SNTG1: variants seen among roughly 807,000 people sequenced by gnomAD.
SNTG1 encodes the protein syntrophin gamma 1, also known as gamma-1-syntrophin.
SNTG1 carries 39 observed loss-of-function variants against 74.7 expected under a neutral mutation model. The observed-to-expected ratio is 0.52, with a 90% confidence interval of 0.40 to 0.68. The LOEUF (loss-of-function observed/expected upper bound fraction) is 0.68, where lower values mean the gene tolerates loss of function less well. Ranked by LOEUF, SNTG1 falls within the 30% of genes least tolerant of loss-of-function variation. SNTG1 has a pLI of 0.00. For missense variants in SNTG1, 685 were observed against 609.5 expected, an observed-to-expected ratio of 1.12 and a Z score of -1.30; for synonymous variants, 254 against 217.1, an observed-to-expected ratio of 1.17 and a Z score of -1.49.
At chr8:49,940,254 G>A (rs1808562175) in intron 1 of SNTG1, among the ~76,000 whole-genome samples, 1 of 152,198 alleles carries the variant, frequency 6.6e-6, no homozygotes, top group Non-Finnish European at 1.5e-5. Context: ...GCAGGGATGT[G>A]CAAAATGCCT....
chr8:49,980,987 C>G (rs892825696), intron 1 of SNTG1, among the ~76,000 whole-genome samples: 1 of 152,136 alleles, frequency 6.6e-6, no homozygotes, highest in East Asian at 1.9e-4. Flanking sequence ...TGTAAGTGCC[C>G]TTCTGAGCCC....
chr8:50,628,606 T>C (rs2094973751), intron 13 of SNTG1, among the ~76,000 whole-genome samples: 1 of 152,172 alleles, frequency 6.6e-6, no homozygotes, highest in Non-Finnish European at 1.5e-5. Flanking sequence ...CTATTCTTGT[T>C]GTACCTTTCA....
rs537577804 is a variant in SNTG1, at chr8:50,219,145, C to T, written c.-28+46510C>T. Among the ~76,000 whole-genome samples the T allele has an allele frequency of 2.0e-5, 3 of 152,294 alleles. No homozygotes were observed. In the East Asian group the frequency reaches 5.8e-4, roughly 29 times the overall value. On this transcript the variant is annotated intron_variant, in intron 2 of 18. Coordinates refer to ENST00000642720, the MANE Select transcript of SNTG1 (RefSeq NM_018967.5). ...GGCTTATATGGAAGGAGGAAAACAGCTTTAATAAAGCATTTCCAATGACAG... is the reference window on the plus strand; with the variant it reads ...GGCTTATATGGAAGGAGGAAAACAGTTTTAATAAAGCATTTCCAATGACAG...
intron 2 of SNTG1, among the ~76,000 whole-genome samples, chr8:50,309,679 G>T (rs112331342): frequency 6.6e-6 from 1 of 152,168 alleles, no homozygotes; most frequent in African/African-American, 2.4e-5. Context: ...AGCGGTTTAG[G>T]TATGCAGCTA....
chr8:50,199,006 A>G (rs1273351392), intron 2 of SNTG1, among the ~76,000 whole-genome samples: 1 of 152,204 alleles, frequency 6.6e-6, no homozygotes, highest in East Asian at 1.9e-4. Context: ...GAATATGGTT[A>G]GCATTATCTC....
At chr8:50,120,081 C>T (rs1254231850) in intron 1 of SNTG1, among the ~76,000 whole-genome samples, 1 of 141,754 alleles carries the variant, frequency 7.1e-6, no homozygotes, top group African/African-American at 2.5e-5. Flanking sequence ...TTACCTTGGA[C>T]ACATTGCATA....
intron 17 of SNTG1, among the ~76,000 whole-genome samples, chr8:50,733,139 T>G (rs1332740933): frequency 2.0e-5 from 3 of 151,984 alleles, no homozygotes; most frequent in Non-Finnish European, 2.9e-5. Flanking sequence ...TATGTTATTT[T>G]ATGCTCAATG....
At chr8:50,653,082 T>TA (rs1388834183) in intron 13 of SNTG1, among the ~76,000 whole-genome samples, 3 of 151,930 alleles carry the variant, frequency 2.0e-5, no homozygotes, top group African/African-American at 4.8e-5. Context: ...AGAGACAGAA[T>TA]ATAGGGTTTT....
chr8:50,484,141 T>TTTCTTTCTTTCTTTCTTTCTTTCC (rs1256171947), intron 8 of SNTG1, among the ~76,000 whole-genome samples: 15 of 92,784 alleles, frequency 1.6e-4, no homozygotes, highest in Admixed American at 2.5e-4. Context: ...TCTTTCCTTC[T>TTTCTTTCTTTCTTTCTTTCTTTCC]TTCTTTCTTT....
At chr8:50,603,001 T>C (rs1298529101) in intron 13 of SNTG1, among the ~76,000 whole-genome samples, 1 of 152,092 alleles carries the variant, frequency 6.6e-6, no homozygotes, top group African/African-American at 2.4e-5. Flanking sequence ...TTGTCTTCTT[T>C]AGATGAAGTC....
intron 17 of SNTG1, among the ~76,000 whole-genome samples, chr8:50,737,518 C>T (rs1305487395): frequency 1.3e-5 from 2 of 151,998 alleles, no homozygotes. Context: ...GAAAGTATTC[C>T]AAAAAATAGC....
intron 1 of SNTG1, among the ~76,000 whole-genome samples, chr8:49,996,310 A>G (rs1814211644): frequency 1.3e-5 from 2 of 152,080 alleles, no homozygotes; most frequent in African/African-American, 2.4e-5. Flanking sequence ...TAAGGATTGT[A>G]CCACTCCTTA....
Position 49,917,064 on chromosome 8 carries a change from A to G in SNTG1, c.-103+4833A>G, listed in dbSNP as rs555506833. ...TAATAAATTTTATTTGAATCTTTTC[A>G]AGGGGTGAGAAATAAGTATGTGAGA... On this transcript the variant is annotated intron_variant, in intron 1 of 18. Transcript: ENST00000642720. 3.3e-5 allele frequency among the ~76,000 whole-genome samples: 5 copies of G among 152,092 alleles called. No individual in the cohort carries two copies. In the South Asian group the frequency reaches 1.0e-3, roughly 32 times the overall value.
At chr8:49,932,844 C>T (rs1408442576) in intron 1 of SNTG1, among the ~76,000 whole-genome samples, 1 of 152,110 alleles carries the variant, frequency 6.6e-6, no homozygotes, top group Non-Finnish European at 1.5e-5. Flanking sequence ...CTATTCTGGA[C>T]ATTTAATATA....
intron 1 of SNTG1, among the ~76,000 whole-genome samples, chr8:50,110,936 G>T (rs1000782265): frequency 6.6e-6 from 1 of 151,978 alleles, no homozygotes; most frequent in African/African-American, 2.4e-5. Flanking sequence ...CTTTAATCTA[G>T]GTATGTCCTA....
intron 2 of SNTG1, among the ~76,000 whole-genome samples, chr8:50,175,922 C>A (rs1586591641): frequency 1.3e-5 from 2 of 152,116 alleles, no homozygotes; most frequent in Middle Eastern, 6.8e-3. Context: ...AGGCTGGCTT[C>A]ACATTGGAAT....
chr8:50,273,091 T>A (rs973085903), intron 2 of SNTG1, among the ~76,000 whole-genome samples: 2 of 152,150 alleles, frequency 1.3e-5, no homozygotes, highest in Admixed American at 1.3e-4. Context: ...AATAGTTATC[T>A]GAAATTGTCT....
chr8:50,080,231 A>G (rs1444729419), intron 1 of SNTG1, among the ~76,000 whole-genome samples: 1 of 152,152 alleles, frequency 6.6e-6, no homozygotes, highest in African/African-American at 2.4e-5. Context: ...TCATCGCTGT[A>G]CTATTTCTTG....
intron 6 of SNTG1, 25 bp from the exon 7 acceptor site, chr8:50,450,531 A>T (rs2093446221): frequency 6.2e-7 from 1 of 1,612,118 alleles, no homozygotes; most frequent in East Asian, 2.2e-5. Flanking sequence ...TCAATGCATT[A>T]TCAATTGTGC....
Sources: gnomAD v4.1 joint callset for allele counts (sites outside exome capture counted in the v4.1 genomes callset) on GRCh38, gnomAD v4.1.1 for gene constraint, MANE v1.5 for transcripts, NCBI Gene and HGNC (gene_info 2026-07-23, HGNC 2026-07-21) for gene names.